EML6: variants seen among roughly 807,000 people sequenced by gnomAD.
EML6 encodes the protein EMAP like 6.
In EML6, 154 loss-of-function variants were observed where a neutral mutation model predicts 240.1. The ratio of observed to expected loss-of-function variants is 0.64; its 90% CI spans 0.56 to 0.73. The LOEUF (loss-of-function observed/expected upper bound fraction) is 0.73. Among genes scored for constraint, EML6 ranks in the 30% least tolerant of loss-of-function variants. The probability of loss-of-function intolerance (pLI) is 0.00; values close to 1 mark genes in which losing one functional copy is unlikely to be tolerated. For missense variants in EML6, 2,964 were observed against 2,474.6 expected, an observed-to-expected ratio of 1.20 and a Z score of -4.20; for synonymous variants, 1,148 against 899.0, an observed-to-expected ratio of 1.28 and a Z score of -4.95.
chr2:54,885,870 C>T (rs2104031555), intron 17 of EML6, among the ~76,000 whole-genome samples: 1 of 152,234 alleles, frequency 6.6e-6, no homozygotes, highest in South Asian at 2.1e-4. Flanking sequence ...CTCGGCCTCC[C>T]AAAGTGCTGA....
intron 17 of EML6, chr2:54,880,514 A>T (rs1019114941): frequency 2.3e-4 from 35 of 152,244 alleles, no homozygotes; most frequent in Admixed American, 1.1e-3. Context: ...GAAGATTTAT[A>T]AATTGCTAGA....
At chr2:54,860,745 G>A (rs1413961566) in intron 12 of EML6, among the ~76,000 whole-genome samples, 1 of 152,218 alleles carries the variant, frequency 6.6e-6, no homozygotes, top group Non-Finnish European at 1.5e-5. Context: ...ATATGGACTT[G>A]TAGGCACTTG....
At chr2:54,883,377 G>A (rs1671943619) in intron 17 of EML6, among the ~76,000 whole-genome samples, 1 of 151,460 alleles carries the variant, frequency 6.6e-6, no homozygotes, top group Admixed American at 6.6e-5. Flanking sequence ...AATTTTTTTT[G>A]GAGTTAGTAT....
intron 5 of EML6, among the ~76,000 whole-genome samples, chr2:54,826,019 T>G (rs1572959121): frequency 6.6e-6 from 1 of 152,372 alleles, no homozygotes; most frequent in Non-Finnish European, 1.5e-5. Context: ...GTTCTCTACC[T>G]TTGAATTTCC....
rs1673222142 is a variant in EML6, at chr2:54,904,617, G to A, written c.3409+1115G>A. On this transcript the variant is annotated intron_variant, in intron 24 of 41. Transcript: ENST00000356458. ...GTGGGAAGAACCAGGGGGTGATGAA[G>A]AAATAGAAGTGCTCAGTGGCTGAGG... Among the ~76,000 whole-genome samples the A allele has an allele frequency of 5.9e-5, 9 of 152,324 alleles. No homozygotes were observed. The South Asian group carries it at 1.9e-3, about 32-fold the overall frequency.
At chr2:54,956,400 G>A (rs66713136) in intron 32 of EML6, among the ~76,000 whole-genome samples, 88,670 of 151,186 alleles carry the variant, frequency 0.59, 28,870 homozygotes, top group Non-Finnish European at 0.73. Flanking sequence ...TGGAGTGGGA[G>A]GGTTGTCTTT....
At chr2:54,829,902 T>C (rs1668782717) in intron 7 of EML6, among the ~76,000 whole-genome samples, 1 of 152,218 alleles carries the variant, frequency 6.6e-6, no homozygotes, top group Admixed American at 6.5e-5. Context: ...GGCTCAGTCA[T>C]GTGGGGTGGG....
chr2:54,835,404 G>A (rs1446761967), intron 7 of EML6, among the ~76,000 whole-genome samples: 1 of 152,212 alleles, frequency 6.6e-6, no homozygotes, highest in African/African-American at 2.4e-5. Flanking sequence ...GTGGAGCCTT[G>A]TGGAGGAGCG....
At chr2:54,802,403 A>G (rs189570366) in intron 2 of EML6, among the ~76,000 whole-genome samples, 2 of 152,220 alleles carry the variant, frequency 1.3e-5, no homozygotes, top group South Asian at 2.1e-4. Context: ...AGGCGGGCAG[A>G]TCGCTTGAGC....
At chr2:54,752,652 G>A (rs1018436571) in intron 2 of EML6, among the ~76,000 whole-genome samples, 1 of 152,158 alleles carries the variant, frequency 6.6e-6, no homozygotes, top group Non-Finnish European at 1.5e-5. Flanking sequence ...TTGCTGTATA[G>A]TATTCTACTG....
chr2:54,962,919 G>C (rs1320943686), intron 36 of EML6, among the ~76,000 whole-genome samples: 1 of 152,222 alleles, frequency 6.6e-6, no homozygotes, highest in Non-Finnish European at 1.5e-5. Context: ...CTGTTGTCAT[G>C]AAAGAACCCA....
chr2:54,833,263 C>T (rs1240549520), intron 7 of EML6, among the ~76,000 whole-genome samples: 4 of 152,200 alleles, frequency 2.6e-5, no homozygotes, highest in Admixed American at 2.6e-4. Flanking sequence ...CTCCTGTAGA[C>T]ATCTATAAGA....
rs1674691959 is a variant in EML6 at position 54,928,682 on chromosome 2, C to T, written c.3935C>T (p.Ala1312Val). 5 of 1,551,870 alleles carry T rather than the reference C, an allele frequency of 3.2e-6. No homozygotes were observed. Among genetic ancestry groups the T allele is most frequent in the East Asian group, 2.4e-5 (1 of 40,916 alleles). Reference sequence around the variant, plus strand: ...ATTGACTACACCACCAAGATTTATGCTGTGAGCATCAGGGAAATGGAAGGC... The same window carrying T: ...ATTGACTACACCACCAAGATTTATGTTGTGAGCATCAGGGAAATGGAAGGC... ...KAIDYTTKIY[A>V]VSIREMEGTK... The change falls in exon 28 of 42, where the codon GCT (alanine) becomes GTT (valine). Residue 1312 changes from alanine (A) to valine (V), a missense_variant. Coordinates refer to ENST00000356458, the MANE Select transcript of EML6 (RefSeq NM_001039753.4).
At chr2:54,843,700 G>A (rs567697296) in intron 7 of EML6, among the ~76,000 whole-genome samples, 13 of 151,868 alleles carry the variant, frequency 8.6e-5, no homozygotes, top group East Asian at 3.9e-4. Flanking sequence ...AAAATTAGCC[G>A]GGTGTGGTGG....
At chr2:54,913,301 G>A (rs1485717987) in intron 25 of EML6, among the ~76,000 whole-genome samples, 2 of 151,252 alleles carry the variant, frequency 1.3e-5, no homozygotes, top group Non-Finnish European at 2.9e-5. Flanking sequence ...AGGCTGGAGT[G>A]TAGCGGTACC....
chr2:54,840,651 G>C (rs536561604), intron 7 of EML6, among the ~76,000 whole-genome samples: 147 of 152,200 alleles, frequency 9.7e-4, no homozygotes, highest in African/African-American at 3.2e-3. Context: ...TTTATTTCTT[G>C]GCATCTCCAA....
At chr2:54,908,620 C>T (rs1673471928) in intron 24 of EML6, among the ~76,000 whole-genome samples, 1 of 152,192 alleles carries the variant, frequency 6.6e-6, no homozygotes, top group Non-Finnish European at 1.5e-5. Flanking sequence ...CAGCTAGTTT[C>T]AGCATCCACT....
chr2:54,970,270 C>T lies in EML6; in HGVS notation c.*175C>T, dbSNP rs895576358. ...CAACTGCTCCCATAATCTGGACTCT[C>T]CAAAACCGTGATGCCACGAAGGAAG... On this transcript the variant is annotated 3_prime_UTR_variant, in exon 42 of 42. Transcript: ENST00000356458. 2 of 656,980 alleles carry T rather than the reference C, an allele frequency of 3.0e-6. No homozygotes were observed. The highest frequency in any genetic ancestry group is 5.5e-5 in the East Asian group (2 of 36,468). The allele number at this position is 656,980 out of a possible 1,614,324, so 40.7% of individuals were successfully genotyped here.
intron 2 of EML6, among the ~76,000 whole-genome samples, chr2:54,726,874 A>T (rs1187081668): frequency 6.6e-6 from 1 of 152,202 alleles, no homozygotes; most frequent in Non-Finnish European, 1.5e-5. Flanking sequence ...GAAGGGAGAG[A>T]GTGGCAATTA....
Sources: gnomAD v4.1 joint callset for allele counts (sites outside exome capture counted in the v4.1 genomes callset) on GRCh38, gnomAD v4.1.1 for gene constraint, MANE v1.5 for transcripts, NCBI Gene and HGNC (gene_info 2026-07-23, HGNC 2026-07-21) for gene names.